The following CNTNAP2 variants were observed in gnomAD, a reference collection of about 807,000 sequenced individuals.
The protein encoded by CNTNAP2 is contactin-associated protein-like 2.
Under a neutral mutation model 155.2 loss-of-function variants are expected in CNTNAP2, and 98 were observed. The observed-to-expected ratio is 0.63, with a 90% confidence interval of 0.54 to 0.75. The LOEUF is 0.75. Among genes scored for constraint, CNTNAP2 ranks in the 30% least tolerant of loss-of-function variants. CNTNAP2 has a pLI of 0.00. For missense variants in CNTNAP2, 1,727 were observed against 1,688.1 expected, an observed-to-expected ratio of 1.02 and a Z score of -0.40; for synonymous variants, 651 against 631.2, an observed-to-expected ratio of 1.03 and a Z score of -0.47.
At chr7:148,263,713 G>A (rs906807607) in intron 20 of CNTNAP2, among the ~76,000 whole-genome samples, 1 of 150,314 alleles carries the variant, frequency 6.7e-6, no homozygotes, top group Non-Finnish European at 1.5e-5. Context: ...CTCCAGCCTG[G>A]GCGACAGAGC....
At chr7:148,179,705 G>T (rs960052918) in intron 18 of CNTNAP2, among the ~76,000 whole-genome samples, 1 of 150,714 alleles carries the variant, frequency 6.6e-6, no homozygotes, top group East Asian at 2.0e-4. Context: ...AGAAAAGGGA[G>T]GAGAAAGAGG....
intron 21 of CNTNAP2, among the ~76,000 whole-genome samples, chr7:148,380,223 G>A (rs1421722586): frequency 1.3e-5 from 2 of 152,140 alleles, no homozygotes; most frequent in East Asian, 3.9e-4. Context: ...TACAGTAAAT[G>A]ATATTTTAAT....
At chr7:146,291,215 G>C (rs570707238) in intron 1 of CNTNAP2, among the ~76,000 whole-genome samples, 3 of 152,254 alleles carry the variant, frequency 2.0e-5, no homozygotes, top group Non-Finnish European at 4.4e-5. Context: ...ATAAAAAATA[G>C]AAAGCATGTA....
rs377674409 is a variant in CNTNAP2 at position 147,239,529 on chromosome 7, G to T, written c.1349-60612G>T. On this transcript the variant is annotated intron_variant, in intron 8 of 23. Coordinates refer to ENST00000361727, the MANE Select transcript of CNTNAP2 (RefSeq NM_014141.6). ...CGTTTCCAAAAAAAAAAAAAAAAAG[G>T]ACACTTTATTGGTACGCATTCATGA... 9.1e-4 allele frequency among the ~76,000 whole-genome samples: 136 copies of T among 149,426 alleles called. 2 individuals carry two copies. The East Asian group carries it at 0.017, about 19-fold the overall frequency.
At chr7:146,760,228 A>G (rs1426872390) in intron 1 of CNTNAP2, among the ~76,000 whole-genome samples, 3 of 152,050 alleles carry the variant, frequency 2.0e-5, no homozygotes, top group Admixed American at 6.6e-5. Flanking sequence ...GTGAATGACT[A>G]CACACACTAT....
chr7:148,255,718 T>A (rs1270308718), intron 20 of CNTNAP2, among the ~76,000 whole-genome samples: 1 of 152,200 alleles, frequency 6.6e-6, no homozygotes, highest in African/African-American at 2.4e-5. Flanking sequence ...TAGCAGTAAG[T>A]ACTTATTATA....
At chr7:147,074,414 C>G (rs1484712997) in intron 4 of CNTNAP2, among the ~76,000 whole-genome samples, 1 of 152,110 alleles carries the variant, frequency 6.6e-6, no homozygotes, top group Non-Finnish European at 1.5e-5. Context: ...CTTTTCCTCC[C>G]CATCCTCATC....
intron 9 of CNTNAP2, among the ~76,000 whole-genome samples, chr7:147,394,325 G>A (rs1031299417): frequency 2.6e-5 from 4 of 151,898 alleles, no homozygotes; most frequent in East Asian, 1.9e-4. Flanking sequence ...CCCAGTCTTG[G>A]CATGTCTTTT....
chr7:147,532,252 G>A (rs1199232161), intron 11 of CNTNAP2, among the ~76,000 whole-genome samples: 11 of 152,134 alleles, frequency 7.2e-5, no homozygotes, highest in South Asian at 2.1e-4. Flanking sequence ...GCCAGATGCC[G>A]TAAATCAACT....
chr7:148,357,003 G>A (rs1000387177), intron 21 of CNTNAP2, among the ~76,000 whole-genome samples: 4 of 151,944 alleles, frequency 2.6e-5, no homozygotes, highest in Non-Finnish European at 5.9e-5. Context: ...GATATATACT[G>A]TAGGAGACCT....
intron 20 of CNTNAP2, among the ~76,000 whole-genome samples, chr7:148,251,390 A>G (rs1234940057): frequency 1.3e-5 from 2 of 152,066 alleles, no homozygotes; most frequent in Non-Finnish European, 2.9e-5. Context: ...AGGACACACT[A>G]CCCTCCCTGC....
At chr7:146,594,501 A>G (rs2009116) in intron 1 of CNTNAP2, among the ~76,000 whole-genome samples, 45,447 of 151,826 alleles carry the variant, frequency 0.3, 6,963 homozygotes, top group East Asian at 0.49. Flanking sequence ...ACATTTTGGT[A>G]TATTTGGATC....
In CNTNAP2 at chr7:147,639,158, G is replaced by T; in HGVS notation, c.1950G>T (p.Val650=). The T allele has an allele frequency of 6.2e-7, 1 of 1,614,126 alleles. No individual in the cohort carries two copies. Among genetic ancestry groups the T allele is most frequent in the East Asian group, 2.2e-5 (1 of 44,866 alleles). ...VSHDLQMQTP[V]VGYNPEKYSV... is the part of the protein sequence containing the mutation. ...ATGACTTGCAGATGCAGACGCCTGT[G>T]GTCGGCTACAACCCAGAAAAATACT... Residue 650 remains valine, a synonymous_variant, in exon 13 of 24, where the codon GTG becomes GTT. Coordinates refer to ENST00000361727, the MANE Select transcript of CNTNAP2 (RefSeq NM_014141.6).
chr7:146,603,712 T>C (rs1798990699), intron 1 of CNTNAP2, among the ~76,000 whole-genome samples: 2 of 151,106 alleles, frequency 1.3e-5, no homozygotes, highest in Admixed American at 1.3e-4. Context: ...ATGGTACTGG[T>C]ACCAAAACAG....
chr7:148,093,032 G>GA (rs1803879866), intron 15 of CNTNAP2, among the ~76,000 whole-genome samples: 1 of 151,764 alleles, frequency 6.6e-6, no homozygotes, highest in Non-Finnish European at 1.5e-5. Context: ...TAGAATAAAA[G>GA]AAAATGATGC....
intron 1 of CNTNAP2, among the ~76,000 whole-genome samples, chr7:146,382,441 T>C (rs543531952): frequency 6.6e-6 from 1 of 152,332 alleles, no homozygotes; most frequent in South Asian, 2.1e-4. Flanking sequence ...TAATTTTTGA[T>C]AGAGAAGTTT....
At chr7:147,512,942 A>G (rs1372976364) in intron 11 of CNTNAP2, among the ~76,000 whole-genome samples, 1 of 152,190 alleles carries the variant, frequency 6.6e-6, no homozygotes. Context: ...GTTGTTTGAC[A>G]GAGAAAACAT....
chr7:147,235,152 G>C (rs1487204649), intron 8 of CNTNAP2, among the ~76,000 whole-genome samples: 6 of 152,114 alleles, frequency 3.9e-5, no homozygotes, highest in African/African-American at 1.2e-4. Flanking sequence ...GAGTGAGAGA[G>C]AATTCTTGCT....
chr7:148,203,915 C>CTCGG (rs1795406416), intron 18 of CNTNAP2, among the ~76,000 whole-genome samples: 1 of 152,136 alleles, frequency 6.6e-6, no homozygotes, highest in African/African-American at 2.4e-5. Context: ...ACCTCTTGGA[C>CTCGG]TCGGTATACC....
Sources: allele counts gnomAD v4.1 joint callset (sites outside exome capture counted in the v4.1 genomes callset), GRCh38; gene constraint gnomAD v4.1.1; transcripts MANE v1.5; gene names NCBI Gene and HGNC (gene_info 2026-07-23, HGNC 2026-07-21).